Variants in DDX4 observed in about 807,000 individuals in gnomAD.
The protein encoded by DDX4 is DEAD-box helicase 4.
A neutral mutation model predicts 100.0 loss-of-function variants in DDX4; 25 were observed. The ratio of observed to expected loss-of-function variants is 0.25; its 90% confidence interval spans 0.18 to 0.35. DDX4 has a LOEUF of 0.35. Among genes scored for constraint, DDX4 ranks in the 10% least tolerant of loss-of-function variants. The pLI, the probability that DDX4 is intolerant of heterozygous loss-of-function variation, is 1.00. For missense variants in DDX4, 635 were observed against 882.4 expected, an observed-to-expected ratio of 0.72 and a Z score of 3.55; for synonymous variants, 259 against 275.7, an observed-to-expected ratio of 0.94 and a Z score of 0.60.
chr5:55,739,260 C>T (rs931741369), intron 2 of DDX4, among the ~76,000 whole-genome samples: 2 of 152,110 alleles, frequency 1.3e-5, no homozygotes, highest in Non-Finnish European at 2.9e-5. Context: ...TATTAATGAC[C>T]TAATTTAAAT....
At chr5:55,771,658 G>A (rs535402287) in intron 7 of DDX4, among the ~76,000 whole-genome samples, 197 of 152,258 alleles carry the variant, frequency 1.3e-3, no homozygotes, top group Non-Finnish European at 1.9e-3. Context: ...TGTTTTCAGC[G>A]TTTAAACTAA....
Position 55,815,117 on chromosome 5 carries a change from T to A in DDX4, c.1932T>A (p.Phe644Leu). The A allele has an allele frequency of 6.2e-7, 1 of 1,614,250 alleles. No individual in the cohort carries two copies. The highest frequency in any genetic ancestry group is 1.1e-5 in the South Asian group (1 of 91,088). Residue 644 changes from phenylalanine (F) to leucine (L), a missense_variant, in exon 20 of 22, where the codon TTT becomes TTA. Transcript: ENST00000505374. ...ATACTGGCAGAGCAATTTCCTTTTT[T>A]GATCTTGAATCGGATAACCATTTAG... ...CGNTGRAISFFDLESDNHLAQ... is the reference protein window; with the variant it reads ...CGNTGRAISFLDLESDNHLAQ...
intron 17 of DDX4, among the ~76,000 whole-genome samples, chr5:55,797,141 G>A (rs183067400): frequency 1.5e-4 from 23 of 152,040 alleles, no homozygotes; most frequent in Non-Finnish European, 2.8e-4. Flanking sequence ...ACTGTGCCCC[G>A]CCTCAAACTG....
At position 55,816,678 on chromosome 5, in the gene DDX4, A is replaced by T; in HGVS notation, c.*138A>T. On this transcript the variant is annotated 3_prime_UTR_variant, in exon 22 of 22. Coordinates refer to ENST00000505374, the MANE Select transcript of DDX4 (RefSeq NM_024415.3). The stretch of plus-strand genomic sequence containing the variant: ...ATTCTCACTCCTACACTTAAAAAAA[A>T]AATCCTTACTGACTAGTTATGTGAG... 7.1e-6 allele frequency: 10 copies of T among 1,404,048 alleles called. No individual in the cohort carries two copies. The highest frequency in any genetic ancestry group is 8.4e-6 in the Non-Finnish European group (9 of 1,066,150). 87.0% of individuals were successfully genotyped at this position (1,404,048 alleles called of 1,614,324 possible). A position where few individuals can be genotyped will look rare whatever the true frequency, so the allele number is the denominator to read the frequency against.
intron 3 of DDX4, among the ~76,000 whole-genome samples, chr5:55,746,503 T>C (rs1261908797): frequency 6.6e-6 from 1 of 152,178 alleles, no homozygotes; most frequent in East Asian, 1.9e-4. Flanking sequence ...GGCATCATCA[T>C]CATCAGGGTT....
At chr5:55,815,531 C>T (rs929965653) in intron 21 of DDX4, 108 bp downstream of exon 21, 27 of 1,361,502 alleles carry the variant, frequency 2.0e-5, no homozygotes, top group East Asian at 1.1e-4. Context: ...CCATTGTTTT[C>T]GTGCCTGGAA....
chr5:55,785,498 T>C lies in DDX4; in HGVS notation c.721+4T>C. 6.3e-7 allele frequency: 1 copy of C among 1,591,102 alleles called. No homozygotes were observed. Among genetic ancestry groups the C allele is most frequent in the Non-Finnish European group, 8.6e-7 (1 of 1,163,672 alleles). ...GGAGAAAGTAGTGATACTCAAGGTATATTAACATTTGTGTGACTCACATAG... is the reference window on the plus strand; with the variant it reads ...GGAGAAAGTAGTGATACTCAAGGTACATTAACATTTGTGTGACTCACATAG... On this transcript the variant is annotated splice_donor_region_variant and intron_variant, in intron 12 of 21. Coordinates refer to ENST00000505374, the MANE Select transcript of DDX4 (RefSeq NM_024415.3).
chr5:55,764,132 A>G, intron 6 of DDX4, 68 bp downstream of exon 6: 1 of 1,188,972 alleles, frequency 8.4e-7, no homozygotes, highest in Non-Finnish European at 1.3e-6. Context: ...AGAAATTAAG[A>G]TTAAGTCTCT....
At chr5:55,812,605 A>T (rs1270875431) in intron 18 of DDX4, among the ~76,000 whole-genome samples, 2 of 152,194 alleles carry the variant, frequency 1.3e-5, no homozygotes, top group African/African-American at 4.8e-5. Context: ...AAAAAAAAAA[A>T]TGCATTTCTC....
At chr5:55,771,100 A>G (rs1192054152) in intron 7 of DDX4, among the ~76,000 whole-genome samples, 4 of 152,144 alleles carry the variant, frequency 2.6e-5, no homozygotes, top group African/African-American at 7.2e-5. Context: ...AAGTTTGCAT[A>G]TAGGGGTCAC....
intron 15 of DDX4, among the ~76,000 whole-genome samples, chr5:55,790,308 C>A (rs1428019435): frequency 1.3e-5 from 2 of 151,788 alleles, no homozygotes; most frequent in African/African-American, 4.8e-5. Context: ...CCATGCCTGG[C>A]CAATTTTTTG....
chr5:55,765,411 A>ATATATATATATAT (rs1285869924), intron 6 of DDX4, among the ~76,000 whole-genome samples: 45 of 100,172 alleles, frequency 4.5e-4, no homozygotes, highest in East Asian at 9.6e-4. Flanking sequence ...AAAAAAAAAA[A>ATATATATATATAT]AAATATATAT....
intron 4 of DDX4, among the ~76,000 whole-genome samples, chr5:55,761,824 A>C (rs113769809): frequency 0.025 from 3,803 of 152,116 alleles, 75 homozygotes; most frequent in Middle Eastern, 0.099. Flanking sequence ...TGGCCAGGCT[A>C]GTCTTGAACT....
intron 10 of DDX4, among the ~76,000 whole-genome samples, chr5:55,783,084 G>A (rs970944714): frequency 1.3e-5 from 2 of 152,028 alleles, no homozygotes; most frequent in South Asian, 2.1e-4. Context: ...GAGCCACTGC[G>A]CCTGACCTTA....
intron 9 of DDX4, 59 bp downstream of exon 9, chr5:55,781,205 A>T (rs1741891403): frequency 2.2e-6 from 3 of 1,358,554 alleles, no homozygotes; most frequent in Non-Finnish European, 2.1e-6. Flanking sequence ...TAGCACTAGG[A>T]TTAGTAAACC....
chr5:55,765,378 T>C (rs936568622), intron 6 of DDX4, among the ~76,000 whole-genome samples: 4 of 138,210 alleles, frequency 2.9e-5, no homozygotes, highest in Non-Finnish European at 6.1e-5. Flanking sequence ...TTCTTCTTTT[T>C]TCGTTTTTAG....
At chr5:55,750,004 A>C (rs1759456718) in intron 3 of DDX4, among the ~76,000 whole-genome samples, 1 of 151,812 alleles carries the variant, frequency 6.6e-6, no homozygotes. Flanking sequence ...AAAAACTTTT[A>C]ATCACACTAG....
chr5:55,814,242 T>A (rs1408903576), intron 19 of DDX4, among the ~76,000 whole-genome samples: 1 of 152,242 alleles, frequency 6.6e-6, no homozygotes, highest in Non-Finnish European at 1.5e-5. Context: ...AATATGTTTT[T>A]AAGCAAGCAT....
At chr5:55,744,759 T>C (rs1314233021) in intron 2 of DDX4, among the ~76,000 whole-genome samples, 1 of 152,242 alleles carries the variant, frequency 6.6e-6, no homozygotes, top group Admixed American at 6.5e-5. Context: ...ACCATGAATA[T>C]TCTGATGCTA....
Sources: allele counts gnomAD v4.1 joint callset (sites outside exome capture counted in the v4.1 genomes callset), GRCh38; gene constraint gnomAD v4.1.1; transcripts MANE v1.5; gene names NCBI Gene and HGNC (gene_info 2026-07-23, HGNC 2026-07-21).